The following WLS variants were observed in gnomAD, a reference collection of about 807,000 sequenced individuals.
WLS encodes the protein Wnt ligand secretion mediator.
WLS carries 23 observed loss-of-function variants against 62.8 expected under a neutral mutation model. That is an observed-to-expected ratio of 0.37 (90% CI 0.26 to 0.52). The LOEUF is 0.52. Among genes scored for constraint, WLS ranks in the 20% least tolerant of loss-of-function variants. The pLI, the probability that WLS is intolerant of heterozygous loss-of-function variation, is 0.92. For missense variants in WLS, 615 were observed against 697.3 expected, an observed-to-expected ratio of 0.88 and a Z score of 1.33; for synonymous variants, 246 against 244.1, an observed-to-expected ratio of 1.01 and a Z score of -0.07.
At chr1:68,231,929 G>A (rs533806969) in intron 1 of WLS, 1 of 482,148 alleles carries the variant, frequency 2.1e-6, no homozygotes, top group African/African-American at 2.1e-5. Context: ...CCATGCTTAA[G>A]ATTCCCACCC....
At chr1:68,218,940 G>T (rs1649839493) in intron 1 of WLS, among the ~76,000 whole-genome samples, 1 of 152,142 alleles carries the variant, frequency 6.6e-6, no homozygotes, top group Admixed American at 6.5e-5. Flanking sequence ...ATTCTTAGAA[G>T]GATAACTTTC....
intron 11 of WLS, chr1:68,102,541 A>AT (rs1446869800): frequency 1.3e-5 from 2 of 152,128 alleles, no homozygotes; most frequent in Non-Finnish European, 2.9e-5. Flanking sequence ...GGGTTGTATC[A>AT]TTTTGAAGGT....
In WLS at chr1:68,148,552, C is replaced by T; in HGVS notation, c.1070+11G>A. ...ACAGTTTGGCTCAGTGTCCCACAAA[C>T]ACTTGCTCACCTCTCACACATGTCA... On this transcript the variant is annotated intron_variant, in intron 7 of 11. Coordinates refer to ENST00000262348, the MANE Select transcript of WLS (RefSeq NM_024911.7). 6.2e-7 allele frequency: 1 copy of T among 1,613,590 alleles called. No individual in the cohort carries two copies. The highest frequency in any genetic ancestry group is 8.5e-7 in the Non-Finnish European group (1 of 1,179,786).
intron 2 of WLS, 48 bp downstream of exon 2, chr1:68,193,906 AG>A (rs753165142): frequency 6.4e-7 from 1 of 1,569,956 alleles, no homozygotes; most frequent in Non-Finnish European, 8.6e-7. Flanking sequence ...GAACCCAAAG[AG>A]GGCAATGCTC....
intron 11 of WLS, among the ~76,000 whole-genome samples, chr1:68,113,062 G>A (rs1030706335): frequency 6.6e-6 from 1 of 152,128 alleles, no homozygotes; most frequent in Non-Finnish European, 1.5e-5. Context: ...GGGGACGCTG[G>A]TCAGCCTGAG....
chr1:68,212,917 A>G (rs1345782573), intron 1 of WLS, among the ~76,000 whole-genome samples: 1 of 152,214 alleles, frequency 6.6e-6, no homozygotes, highest in Non-Finnish European at 1.5e-5. Flanking sequence ...ACAGATTATC[A>G]TCTCTCGTGC....
intron 1 of WLS, among the ~76,000 whole-genome samples, chr1:68,205,111 G>A (rs561002172): frequency 8.5e-5 from 13 of 152,092 alleles, no homozygotes; most frequent in African/African-American, 3.1e-4. Flanking sequence ...TCCTTGTCCC[G>A]CCTGTATCAA....
At chr1:68,200,306 G>A (rs1648931150) in intron 1 of WLS, among the ~76,000 whole-genome samples, 1 of 152,044 alleles carries the variant, frequency 6.6e-6, no homozygotes, top group Non-Finnish European at 1.5e-5. Flanking sequence ...CAGTTAAAAA[G>A]CTGCCAGCAC....
At chr1:68,159,284 T>G in intron 2 of WLS, 37 bp from the exon 3 acceptor site, 1 of 1,597,108 alleles carries the variant, frequency 6.3e-7, no homozygotes, top group Non-Finnish European at 8.5e-7. Flanking sequence ...GAAATGACTT[T>G]TGGAAAGATA....
At chr1:68,221,494 A>T (rs1241881477) in intron 1 of WLS, among the ~76,000 whole-genome samples, 1 of 152,260 alleles carries the variant, frequency 6.6e-6, no homozygotes, top group Non-Finnish European at 1.5e-5. Flanking sequence ...AACTAGCTCA[A>T]CAGAACCGAA....
intron 2 of WLS, among the ~76,000 whole-genome samples, chr1:68,161,454 A>C (rs191233405): frequency 2.0e-5 from 3 of 152,212 alleles, no homozygotes; most frequent in Non-Finnish European, 4.4e-5. Context: ...TGCTGTGCCC[A>C]AGGGACTGAT....
chr1:68,118,900 A>AAAAAAAAAAAAAAAAC (rs1646330434), intron 11 of WLS, among the ~76,000 whole-genome samples: 2 of 145,430 alleles, frequency 1.4e-5, no homozygotes, highest in Non-Finnish European at 3.1e-5. Flanking sequence ...AAAAAAAAAA[A>AAAAAAAAAAAAAAAAC]AAGCACCTGG....
chr1:68,148,479 C>T (rs773698381), intron 7 of WLS, 84 bp downstream of exon 7: 31 of 1,425,478 alleles, frequency 2.2e-5, no homozygotes, highest in Non-Finnish European at 2.8e-5. Context: ...CCACCATTCT[C>T]CTTTTCAAAC....
chr1:68,138,093 G>C (rs1207024791), intron 10 of WLS, 160 bp from the exon 11 acceptor site: 1 of 865,466 alleles, frequency 1.2e-6, no homozygotes, highest in Non-Finnish European at 1.7e-6. Context: ...AATCATTTCG[G>C]TGTAAATTAA....
chr1:68,210,068 A>C (rs1649450853), intron 1 of WLS, among the ~76,000 whole-genome samples: 1 of 152,232 alleles, frequency 6.6e-6, no homozygotes, highest in South Asian at 2.1e-4. Context: ...TGTTGATCTC[A>C]GCACTATGTG....
downstream of WLS, among the ~76,000 whole-genome samples, chr1:68,124,778 G>T (rs1646404979): frequency 6.6e-6 from 1 of 152,200 alleles, no homozygotes; most frequent in Admixed American, 6.5e-5. Flanking sequence ...GGCAGGCTAG[G>T]GGTGCTGAGT....
chr1:68,213,622 T>C (rs867984457), intron 1 of WLS, among the ~76,000 whole-genome samples: 32 of 152,188 alleles, frequency 2.1e-4, no homozygotes, highest in African/African-American at 7.5e-4. Context: ...CCTTGGATTA[T>C]GCACATCAAG....
At chr1:68,203,214 T>C (rs1228782794) in intron 1 of WLS, among the ~76,000 whole-genome samples, 1 of 152,250 alleles carries the variant, frequency 6.6e-6, no homozygotes, top group African/African-American at 2.4e-5. Context: ...TTAGCACCAT[T>C]GCATATTCAG....
chr1:68,223,402 T>A (rs1650019078), intron 1 of WLS, among the ~76,000 whole-genome samples: 1 of 152,170 alleles, frequency 6.6e-6, no homozygotes, highest in African/African-American at 2.4e-5. Flanking sequence ...AGGTTTTGGG[T>A]CATTCCCATT....
Sources: allele counts gnomAD v4.1 joint callset (sites outside exome capture counted in the v4.1 genomes callset), GRCh38; gene constraint gnomAD v4.1.1; transcripts MANE v1.5; gene names NCBI Gene and HGNC (gene_info 2026-07-23, HGNC 2026-07-21).